The following GPC6 variants were observed in gnomAD, a reference collection of about 807,000 sequenced individuals.
GPC6 encodes the protein glypican 6.
In GPC6, 14 loss-of-function variants were observed where a neutral mutation model predicts 55.2. That is an observed-to-expected ratio of 0.25 (90% CI 0.17 to 0.40). The LOEUF (loss-of-function observed/expected upper bound fraction) is 0.40. Among genes scored for constraint, GPC6 ranks in the 10% least tolerant of loss-of-function variants. The pLI, the probability that GPC6 is intolerant of heterozygous loss-of-function variation, is 1.00. For missense variants in GPC6, 641 were observed against 708.5 expected, an observed-to-expected ratio of 0.90 and a Z score of 1.08; for synonymous variants, 278 against 259.6, an observed-to-expected ratio of 1.07 and a Z score of -0.68.
chr13:93,217,299 G>GC, the GPC6 span, among the ~76,000 whole-genome samples: 6 of 152,186 alleles, frequency 3.9e-5, no homozygotes. Context: ...TAAACACTTT[G>GC]CAAGGGCATT....
chr13:93,654,378 A>C (rs1377501633), intron 2 of GPC6, among the ~76,000 whole-genome samples: 1 of 152,072 alleles, frequency 6.6e-6, no homozygotes, highest in Admixed American at 6.6e-5. Context: ...CCCAGGCTGG[A>C]GTGCAGTGGC....
At chr13:93,532,482 C>T (rs1482857375) in intron 1 of GPC6, among the ~76,000 whole-genome samples, 4 of 152,100 alleles carry the variant, frequency 2.6e-5, no homozygotes, top group African/African-American at 4.8e-5. Context: ...CCTTTATTTA[C>T]AAATAACCAA....
At chr13:93,711,632 T>C (rs770260082) in intron 2 of GPC6, among the ~76,000 whole-genome samples, 1 of 151,772 alleles carries the variant, frequency 6.6e-6, no homozygotes, top group Non-Finnish European at 1.5e-5. Flanking sequence ...TATTGGACAT[T>C]CTTGGACTCT....
At chr13:93,959,886 T>C (rs1016851144) in intron 3 of GPC6, among the ~76,000 whole-genome samples, 2 of 152,234 alleles carry the variant, frequency 1.3e-5, no homozygotes, top group Non-Finnish European at 2.9e-5. Flanking sequence ...AGCTAGTAAG[T>C]GTCAAAGCTG....
At chr13:93,867,120 A>G (rs1888988496) in intron 3 of GPC6, among the ~76,000 whole-genome samples, 1 of 151,672 alleles carries the variant, frequency 6.6e-6, no homozygotes, top group Non-Finnish European at 1.5e-5. Context: ...GCTATTTCCA[A>G]AAATTTCATT....
intron 2 of GPC6, among the ~76,000 whole-genome samples, chr13:93,615,677 A>C (rs1343066020): frequency 2.0e-5 from 3 of 151,924 alleles, no homozygotes; most frequent in Non-Finnish European, 2.9e-5. Context: ...TAAGGACCTC[A>C]ATCTACCCAT....
At chr13:93,223,018 A>ATTTTTTTTTTTTTT (rs1875661668), upstream of GPC6, among the ~76,000 whole-genome samples, 1 of 48,286 alleles carries the variant, frequency 2.1e-5, no homozygotes, top group African/African-American at 7.2e-5. Context: ...CAGGGAAAAC[A>ATTTTTTTTTTTTTT]CTTTTTTTTT....
chr13:93,962,210 G>C (rs1879810133), intron 3 of GPC6, among the ~76,000 whole-genome samples: 1 of 152,038 alleles, frequency 6.6e-6, no homozygotes, highest in Non-Finnish European at 1.5e-5. Context: ...ATAGTAGCAG[G>C]GCTGACAGTC....
At chr13:93,499,992 A>G (rs1014656398) in intron 1 of GPC6, among the ~76,000 whole-genome samples, 2 of 152,152 alleles carry the variant, frequency 1.3e-5, no homozygotes, top group African/African-American at 4.8e-5. Flanking sequence ...CACACTCTTC[A>G]AGGCTCACTT....
chr13:93,550,832 GA>G (rs1875118526), intron 2 of GPC6, among the ~76,000 whole-genome samples: 1 of 152,064 alleles, frequency 6.6e-6, no homozygotes, highest in East Asian at 1.9e-4. Flanking sequence ...CATTCATTTA[GA>G]GCCTACCATA....
chr13:93,363,953 A>G (rs1183466246), intron 1 of GPC6, among the ~76,000 whole-genome samples: 4 of 151,840 alleles, frequency 2.6e-5, no homozygotes, highest in Admixed American at 6.6e-5. Flanking sequence ...GTGTCTGTTC[A>G]TGTCCTTCAC....
At chr13:93,985,796 T>C (rs1389928197) in intron 3 of GPC6, among the ~76,000 whole-genome samples, 1 of 151,530 alleles carries the variant, frequency 6.6e-6, no homozygotes, top group Non-Finnish European at 1.5e-5. Context: ...GAATCTGGAA[T>C]GCAGACAGCC....
At chr13:94,290,429 T>TAAAAAAA (rs532958421) in intron 5 of GPC6, among the ~76,000 whole-genome samples, 43 of 98,860 alleles carry the variant, frequency 4.3e-4, no homozygotes, top group South Asian at 9.5e-4. Flanking sequence ...TCTAGAAAGG[T>TAAAAAAA]AAAAAAAAAA....
chr13:94,233,944 G>A (rs533543995), intron 4 of GPC6, among the ~76,000 whole-genome samples: 1 of 152,210 alleles, frequency 6.6e-6, no homozygotes, highest in South Asian at 2.1e-4. Context: ...CCAGGGCTAA[G>A]GGGGGACTAC....
intron 3 of GPC6, among the ~76,000 whole-genome samples, chr13:93,977,446 T>C (rs1880569702): frequency 6.6e-6 from 1 of 151,138 alleles, no homozygotes; most frequent in Non-Finnish European, 1.5e-5. Context: ...TGGTTTTCTA[T>C]GATTTGCCAA....
At chr13:94,333,285 A>G (rs754383010) in intron 6 of GPC6, among the ~76,000 whole-genome samples, 23 of 152,224 alleles carry the variant, frequency 1.5e-4, no homozygotes, top group Non-Finnish European at 2.9e-4. Flanking sequence ...CATTAGATGC[A>G]GTCATGGCCA....
intron 1 of GPC6, among the ~76,000 whole-genome samples, chr13:93,336,428 G>A (rs1880047437): frequency 6.6e-6 from 1 of 152,110 alleles, no homozygotes; most frequent in Non-Finnish European, 1.5e-5. Flanking sequence ...GTTTCACTTA[G>A]CACCAAAAAT....
At chr13:93,918,474 G>A (rs1467706822) in intron 3 of GPC6, among the ~76,000 whole-genome samples, 1 of 152,012 alleles carries the variant, frequency 6.6e-6, no homozygotes, top group Non-Finnish European at 1.5e-5. Context: ...AAAAAAGTGG[G>A]ACATGGATCC....
intron 4 of GPC6, among the ~76,000 whole-genome samples, chr13:94,247,153 C>T (rs566102825): frequency 2.6e-5 from 4 of 152,062 alleles, no homozygotes; most frequent in African/African-American, 9.6e-5. Flanking sequence ...CCAGATAGGT[C>T]ATTGTTTGTG....
Sources: allele counts gnomAD v4.1 joint callset (sites outside exome capture counted in the v4.1 genomes callset), GRCh38; gene constraint gnomAD v4.1.1; transcripts MANE v1.5; gene names NCBI Gene and HGNC (gene_info 2026-07-23, HGNC 2026-07-21).